The following CDKAL1 variants were observed in gnomAD, a reference collection of about 807,000 sequenced individuals.
CDKAL1 encodes the protein CDKAL1 threonylcarbamoyladenosine tRNA methylthiotransferase.
A neutral mutation model predicts 68.2 loss-of-function variants in CDKAL1; 32 were observed. The observed-to-expected ratio is 0.47, with a 90% CI of 0.35 to 0.63. CDKAL1 has a LOEUF of 0.63. CDKAL1 is among the 30% of genes least tolerant of loss of function. The probability of loss-of-function intolerance (pLI) is 0.00; values close to 1 mark genes in which losing one functional copy is unlikely to be tolerated. For missense variants in CDKAL1, 606 were observed against 696.7 expected (o/e 0.87, Z 1.47); for synonymous variants, 234 against 244.3 (o/e 0.96, Z 0.39).
intron 9 of CDKAL1, among the ~76,000 whole-genome samples, chr6:20,945,354 A>G (rs1764186774): frequency 6.6e-6 from 1 of 152,202 alleles, no homozygotes; most frequent in Non-Finnish European, 1.5e-5. Context: ...CATAATTTGA[A>G]AAAAATCTGA....
chr6:20,934,137 T>C (rs990926769), intron 9 of CDKAL1, among the ~76,000 whole-genome samples: 1 of 152,174 alleles, frequency 6.6e-6, no homozygotes, highest in Non-Finnish European at 1.5e-5. Context: ...GAGAGCAATA[T>C]GATTGAAGGC....
intron 12 of CDKAL1, among the ~76,000 whole-genome samples, chr6:21,072,132 G>A (rs1398488029): frequency 6.6e-6 from 1 of 152,150 alleles, no homozygotes; most frequent in Non-Finnish European, 1.5e-5. Flanking sequence ...CTTTATGGCA[G>A]ATCTTCAACT....
chr6:20,638,352 ACT>A (rs1230876061), intron 4 of CDKAL1, among the ~76,000 whole-genome samples: 1 of 151,348 alleles, frequency 6.6e-6, no homozygotes, highest in Non-Finnish European at 1.5e-5. Context: ...TTTTTCATGA[ACT>A]CTCAGTTCAT....
chr6:20,546,348 A>AAT lies in CDKAL1; in HGVS notation c.1_2dup. ...TATTTATAACTTTTATGTGGTAGAGAATATGCCTTCTGCATCCTGTGATAC... is the reference window on the plus strand; with the variant it reads ...TATTTATAACTTTTATGTGGTAGAGAATATATGCCTTCTGCATCCTGTGATAC... On this transcript the variant is annotated 5_prime_UTR_variant, in exon 3 of 16. Coordinates refer to ENST00000274695, the MANE Select transcript of CDKAL1 (RefSeq NM_017774.3). 2.5e-6 allele frequency: 4 copies of AAT among 1,605,508 alleles called. No homozygotes were observed. The highest frequency in any genetic ancestry group is 3.4e-6 in the Non-Finnish European group (4 of 1,174,662).
intron 13 of CDKAL1, among the ~76,000 whole-genome samples, chr6:21,169,769 G>A (rs1436806906): frequency 6.6e-6 from 1 of 152,126 alleles, no homozygotes; most frequent in African/African-American, 2.4e-5. Context: ...CACATGGCTG[G>A]GGAGGCCTCA....
chr6:21,189,397 C>T (rs1778146563), intron 13 of CDKAL1, among the ~76,000 whole-genome samples: 1 of 152,230 alleles, frequency 6.6e-6, no homozygotes, highest in African/African-American at 2.4e-5. Context: ...GGCTACTCCA[C>T]TTCAAAGGAA....
intron 4 of CDKAL1, among the ~76,000 whole-genome samples, chr6:20,560,294 ATT>A (rs1379400423): frequency 2.0e-5 from 3 of 152,190 alleles, no homozygotes; most frequent in African/African-American, 7.2e-5. Context: ...AATTGGACAA[ATT>A]GACCCTTTCA....
chr6:20,969,692 A>G (rs1334142725), intron 10 of CDKAL1, among the ~76,000 whole-genome samples: 2 of 152,160 alleles, frequency 1.3e-5, no homozygotes, highest in Admixed American at 1.3e-4. Context: ...GCCTGATTGT[A>G]TATGTTGGAG....
chr6:20,864,045 G>T (rs564264924), intron 9 of CDKAL1, among the ~76,000 whole-genome samples: 17 of 152,238 alleles, frequency 1.1e-4, no homozygotes. Context: ...TTGGCACGAT[G>T]TTAACTGGAG....
intron 11 of CDKAL1, among the ~76,000 whole-genome samples, chr6:21,003,367 T>TACACACACACACACACACACACACAC (rs1483081425): frequency 1.7e-4 from 11 of 65,678 alleles, no homozygotes; most frequent in African/African-American, 8.7e-4. Context: ...TATATATATA[T>TACACACACACACACACACACACACAC]ATATACACAC....
chr6:20,786,494 CTTTTT>C (rs1197574844), intron 8 of CDKAL1, among the ~76,000 whole-genome samples: 1 of 80,730 alleles, frequency 1.2e-5, no homozygotes, highest in African/African-American at 5.0e-5. Context: ...TTTTTCTTAT[CTTTTT>C]TTTTTTTTTT....
At chr6:21,074,259 G>A (rs1582144822) in intron 12 of CDKAL1, among the ~76,000 whole-genome samples, 1 of 152,292 alleles carries the variant, frequency 6.6e-6, no homozygotes, top group African/African-American at 2.4e-5. Context: ...TTGGCCTGCA[G>A]CTGCATAGCT....
chr6:21,136,578 C>T (rs1430255585), intron 13 of CDKAL1, among the ~76,000 whole-genome samples: 1 of 152,122 alleles, frequency 6.6e-6, no homozygotes, highest in African/African-American at 2.4e-5. Context: ...TAGCTTCATG[C>T]CTGAAAAAGG....
At chr6:21,094,010 G>C (rs1773194329) in intron 12 of CDKAL1, among the ~76,000 whole-genome samples, 2 of 151,454 alleles carry the variant, frequency 1.3e-5, no homozygotes, top group Middle Eastern at 6.8e-3. Flanking sequence ...GGGACTACAG[G>C]CATAAGTCAC....
chr6:20,944,402 C>T (rs1169463817), intron 9 of CDKAL1, among the ~76,000 whole-genome samples: 1 of 152,224 alleles, frequency 6.6e-6, no homozygotes, highest in Non-Finnish European at 1.5e-5. Flanking sequence ...AGCTGGAGGG[C>T]AGTGGCGTGA....
chr6:21,189,701 C>T (rs958093373), intron 13 of CDKAL1, among the ~76,000 whole-genome samples: 2 of 152,154 alleles, frequency 1.3e-5, no homozygotes, highest in African/African-American at 4.8e-5. Flanking sequence ...TGTCATGGCC[C>T]TATTTCATTA....
chr6:21,204,555 C>T (rs894843180), intron 15 of CDKAL1, among the ~76,000 whole-genome samples: 2 of 152,160 alleles, frequency 1.3e-5, no homozygotes, highest in Non-Finnish European at 2.9e-5. Flanking sequence ...ACATTTATGG[C>T]GTGCTTATCG....
rs893262260 is a variant in CDKAL1, at chr6:21,055,137, A to T, written c.1056-9911A>T. On this transcript the variant is annotated intron_variant, in intron 11 of 15. Transcript: ENST00000274695. ...CTATGTGGTTTTTATTTTGTCCTTT[A>T]TTCTTTTTATATGGTACATTACATT... Among the ~76,000 whole-genome samples the T allele has an allele frequency of 2.6e-5, 4 of 152,196 alleles. No individual in the cohort carries two copies. The East Asian group carries it at 7.7e-4, about 29-fold the overall frequency.
intron 12 of CDKAL1, among the ~76,000 whole-genome samples, chr6:21,078,087 G>T (rs1009399713): frequency 1.3e-5 from 2 of 152,116 alleles, no homozygotes; most frequent in Non-Finnish European, 2.9e-5. Flanking sequence ...ACACAGCCCT[G>T]CCAAAACCCT....
Sources: gnomAD v4.1 joint callset for allele counts (sites outside exome capture counted in the v4.1 genomes callset) on GRCh38, gnomAD v4.1.1 for gene constraint, MANE v1.5 for transcripts, NCBI Gene and HGNC (gene_info 2026-07-23, HGNC 2026-07-21) for gene names.